Variants in PCMT1 observed in about 807,000 individuals in gnomAD.
The protein encoded by PCMT1 is protein-L-isoaspartate(D-aspartate) O-methyltransferase.
Under a neutral mutation model 29.2 loss-of-function variants are expected in PCMT1, and 9 were observed. The observed-to-expected ratio is 0.31, with a 90% CI of 0.19 to 0.54. PCMT1 has a LOEUF of 0.54. Ranked by LOEUF, PCMT1 falls within the 20% of genes least tolerant of loss-of-function variation. The pLI, the probability that PCMT1 is intolerant of heterozygous loss-of-function variation, is 0.95. For missense variants in PCMT1, 184 were observed against 282.2 expected, an observed-to-expected ratio of 0.65 and a Z score of 2.49; for synonymous variants, 98 against 97.5, an observed-to-expected ratio of 1.00 and a Z score of -0.03.
intron 3 of PCMT1, among the ~76,000 whole-genome samples, chr6:149,785,619 A>C (rs1788002415): frequency 6.6e-6 from 1 of 152,000 alleles, no homozygotes; most frequent in Non-Finnish European, 1.5e-5. Context: ...CTTAACGAGC[A>C]CGCTGCCTTC....
chr6:149,789,066 A>ATTTTTTTTTTTTTTTT (rs56661461), intron 3 of PCMT1, among the ~76,000 whole-genome samples: 1 of 90,476 alleles, frequency 1.1e-5, no homozygotes, highest in African/African-American at 4.9e-5. Context: ...ATTGGATCTG[A>ATTTTTTTTTTTTTTTT]TTTTTTTTTT....
chr6:149,781,183 C>G (rs1227500301), intron 3 of PCMT1, among the ~76,000 whole-genome samples: 1 of 121,262 alleles, frequency 8.2e-6, no homozygotes, highest in African/African-American at 3.7e-5. Flanking sequence ...TCTCTTACCC[C>G]TTTCTTGTTT....
chr6:149,787,268 GAAAGAGA>G (rs1378183326), intron 3 of PCMT1, among the ~76,000 whole-genome samples: 5 of 85,804 alleles, frequency 5.8e-5, no homozygotes, highest in Admixed American at 3.7e-4. Context: ...GGAGACCGTG[GAAAGAGA>G]GGGAGACCGT....
intron 3 of PCMT1, among the ~76,000 whole-genome samples, chr6:149,784,487 T>C (rs1328493549): frequency 6.6e-6 from 1 of 152,038 alleles, no homozygotes; most frequent in East Asian, 1.9e-4. Flanking sequence ...TTTTTTTTTT[T>C]TGAGGCAGAG....
At chr6:149,779,615 G>A (rs1787729915) in intron 3 of PCMT1, among the ~76,000 whole-genome samples, 1 of 152,092 alleles carries the variant, frequency 6.6e-6, no homozygotes, top group Non-Finnish European at 1.5e-5. Flanking sequence ...TTCGAGACCA[G>A]CCTGGCCAAC....
intron 3 of PCMT1, among the ~76,000 whole-genome samples, chr6:149,787,829 G>A (rs1222173393): frequency 6.6e-6 from 1 of 151,776 alleles, no homozygotes; most frequent in Admixed American, 6.6e-5. Context: ...TCCTCTGTGT[G>A]TGTGTGTGTG....
chr6:149,769,366 G>A (rs1365589985), intron 1 of PCMT1, among the ~76,000 whole-genome samples: 2 of 131,366 alleles, frequency 1.5e-5, no homozygotes, highest in African/African-American at 6.0e-5. Context: ...GCAGGCTGGA[G>A]TTCAGTGGCA....
intron 1 of PCMT1, among the ~76,000 whole-genome samples, chr6:149,768,381 C>T (rs1430481844): frequency 1.3e-5 from 2 of 151,858 alleles, no homozygotes; most frequent in African/African-American, 2.4e-5. Context: ...CATGAGCTAC[C>T]GCACCTGGCC....
intron 3 of PCMT1, among the ~76,000 whole-genome samples, chr6:149,775,026 A>G (rs1390415384): frequency 1.3e-5 from 2 of 151,550 alleles, no homozygotes; most frequent in African/African-American, 4.8e-5. Flanking sequence ...TGTATTTTTA[A>G]TAGAGACAGG....
At chr6:149,796,329 T>C in intron 5 of PCMT1, 86 bp from the exon 6 acceptor site, 1 of 744,312 alleles carries the variant, frequency 1.3e-6, no homozygotes, top group Admixed American at 2.5e-5. Context: ...ATCTATCCTT[T>C]CTCCATTGTA....
intron 7 of PCMT1, among the ~76,000 whole-genome samples, chr6:149,809,362 C>T (rs1485142159): frequency 6.6e-6 from 1 of 150,382 alleles, no homozygotes; most frequent in Admixed American, 6.6e-5. Context: ...GAGCACTTTG[C>T]AAATAATTCT....
intron 5 of PCMT1, chr6:149,796,029 G>A (rs191579586): frequency 4.1e-4 from 72 of 174,394 alleles, no homozygotes; most frequent in Non-Finnish European, 7.4e-4. Flanking sequence ...TAATGCTTTC[G>A]TTCTTAAGAG....
chr6:149,769,386 C>G (rs1268220789), intron 1 of PCMT1, among the ~76,000 whole-genome samples: 1 of 143,476 alleles, frequency 7.0e-6, no homozygotes, highest in Non-Finnish European at 1.5e-5. Flanking sequence ...ACGATCTCGG[C>G]TCACTGCAAC....
chr6:149,768,082 C>T (rs1787165376), intron 1 of PCMT1, among the ~76,000 whole-genome samples: 1 of 151,674 alleles, frequency 6.6e-6, no homozygotes, highest in South Asian at 2.1e-4. Flanking sequence ...GCATGAGCCA[C>T]CATGCCCGAC....
intron 6 of PCMT1, chr6:149,797,910 A>G (rs1358099327): frequency 6.6e-6 from 1 of 152,200 alleles, no homozygotes; most frequent in Non-Finnish European, 1.5e-5. Context: ...TCACGCCTGT[A>G]ATCCCAGCAC....
chr6:149,803,671 A>G (rs1383949483), intron 7 of PCMT1, among the ~76,000 whole-genome samples: 2 of 151,934 alleles, frequency 1.3e-5, no homozygotes, highest in Non-Finnish European at 2.9e-5. Flanking sequence ...AAAGATTCTT[A>G]TTTTAAAATA....
intron 1 of PCMT1, among the ~76,000 whole-genome samples, chr6:149,764,449 T>A (rs550670229): frequency 3.0e-4 from 46 of 151,496 alleles, no homozygotes; most frequent in Admixed American, 4.6e-4. Context: ...TTTAAAACTT[T>A]AAAAAAAAAT....
chr6:149,783,273 C>T (rs1583034225), intron 3 of PCMT1, among the ~76,000 whole-genome samples: 1 of 152,084 alleles, frequency 6.6e-6, no homozygotes, highest in East Asian at 1.9e-4. Flanking sequence ...GCTGGGATTA[C>T]AGGCATGCAC....
Position 149,790,076 on chromosome 6 carries a change from C to T in PCMT1, c.297+18C>T. 1.4e-6 allele frequency: 2 copies of T among 1,387,100 alleles called. No individual in the cohort carries two copies. Among genetic ancestry groups the T allele is most frequent in the Non-Finnish European group, 2.0e-6 (2 of 987,118 alleles). 85.9% of individuals were successfully genotyped at this position (1,387,100 alleles called of 1,614,324 possible). Reference sequence around the variant, plus strand: ...CACGTATGGTAAGAGTTTTATTTCTCACTCTGGCCCCAACAGAAGAATATT... The same window carrying T: ...CACGTATGGTAAGAGTTTTATTTCTTACTCTGGCCCCAACAGAAGAATATT... On this transcript the variant is annotated intron_variant, in intron 4 of 7. Coordinates refer to ENST00000464889, the MANE Select transcript of PCMT1 (RefSeq NM_001360452.2).
Sources: gnomAD v4.1 joint callset for allele counts (sites outside exome capture counted in the v4.1 genomes callset) on GRCh38, gnomAD v4.1.1 for gene constraint, MANE v1.5 for transcripts, NCBI Gene and HGNC (gene_info 2026-07-23, HGNC 2026-07-21) for gene names.